Variants in C5 observed in about 807,000 individuals in gnomAD.
C5 encodes C3 and PZP-like alpha-2-macroglobulin domain-containing protein 4.
C5 carries 140 observed loss-of-function variants against 218.8 expected under a neutral mutation model. That is an observed-to-expected ratio of 0.64 (90% CI 0.56 to 0.74). The LOEUF (loss-of-function observed/expected upper bound fraction) is 0.74. C5 is among the 30% of genes least tolerant of loss of function. The pLI, the probability that C5 is intolerant of heterozygous loss-of-function variation, is 0.00. For synonymous variants in C5, 614 were observed against 682.3 expected (o/e 0.90, Z 1.56); for missense variants, 1,700 against 1,969.6 (o/e 0.86, Z 2.59).
chr9:120,973,431 C>T (rs567885842), intron 30 of C5, among the ~76,000 whole-genome samples: 151 of 152,182 alleles, frequency 9.9e-4, no homozygotes, highest in African/African-American at 3.5e-3. Flanking sequence ...TGCAGAGGCC[C>T]GGGCACAAAG....
At chr9:120,988,570 T>C (rs2047051701) in intron 25 of C5, among the ~76,000 whole-genome samples, 1 of 151,732 alleles carries the variant, frequency 6.6e-6, no homozygotes, top group Admixed American at 6.6e-5. Flanking sequence ...GGAAAGAGAG[T>C]ATAGGAGATA....
intron 14 of C5, among the ~76,000 whole-genome samples, chr9:121,016,689 T>C (rs2047310099): frequency 6.6e-6 from 1 of 152,314 alleles, no homozygotes; most frequent in South Asian, 2.1e-4. Context: ...CAATATAATG[T>C]TCCAAATAAA....
chr9:120,968,574 A>G (rs2046886314), intron 33 of C5, among the ~76,000 whole-genome samples: 1 of 152,204 alleles, frequency 6.6e-6, no homozygotes, highest in African/African-American at 2.4e-5. Context: ...GAGAGGGTTT[A>G]ACATCAGTGG....
chr9:121,066,041 G>A, the C5 span, among the ~76,000 whole-genome samples: 3 of 152,048 alleles, frequency 2.0e-5, no homozygotes, highest in South Asian at 4.1e-4. Flanking sequence ...CAGGTTGGGC[G>A]CGGTGTCTCA....
intron 20 of C5, among the ~76,000 whole-genome samples, chr9:121,002,316 G>GTGTATATATATATA (rs572345213): frequency 2.3e-5 from 2 of 87,404 alleles, no homozygotes; most frequent in African/African-American, 4.5e-5. Context: ...ATATGTGTGT[G>GTGTATATATATATA]TATATATATA....
At chr9:121,074,433 C>T in the C5 span, among the ~76,000 whole-genome samples, 1 of 152,228 alleles carries the variant, frequency 6.6e-6, no homozygotes, top group Non-Finnish European at 1.5e-5. Context: ...CACGCGACAG[C>T]TGGAGCCCAG....
At chr9:121,065,623 C>T in the C5 span, among the ~76,000 whole-genome samples, 32 of 152,192 alleles carry the variant, frequency 2.1e-4, no homozygotes, top group African/African-American at 5.8e-4. Flanking sequence ...GTAACTGGGA[C>T]CACAGGCACA....
At chr9:120,993,752 G>A (rs966854071) in intron 22 of C5, among the ~76,000 whole-genome samples, 1 of 152,150 alleles carries the variant, frequency 6.6e-6, no homozygotes, top group African/African-American at 2.4e-5. Flanking sequence ...AGCCTTGAGT[G>A]TAACAACTTA....
rs760863207 is a variant in C5, at chr9:120,989,654, T to C, written c.3068A>G (p.His1023Arg). Residue 1023 changes from histidine (H) to arginine (R), a missense_variant, in exon 24 of 41, where the codon CAC (histidine) becomes CGC (arginine). Physicochemically the swap from His to Arg is conservative, Grantham distance 29 (BLOSUM62 0). Coordinates refer to ENST00000223642, the MANE Select transcript of C5 (RefSeq NM_001735.3). Reference protein sequence around the residue: ...MSVVPVFYVFHYLETGNHWNI... With the variant: ...MSVVPVFYVFRYLETGNHWNI... ...CCAATGATTTCCTGTTTCCAGGTAG[T>C]GAAAAACATAGAATACTGGGACAAC... 4.6e-5 allele frequency: 74 copies of C among 1,613,680 alleles called. No individual in the cohort carries two copies. The highest frequency in any genetic ancestry group is 3.5e-5 in the Non-Finnish European group (41 of 1,179,766).
At chr9:121,011,502 A>G (rs1423611159) in intron 17 of C5, among the ~76,000 whole-genome samples, 1 of 151,622 alleles carries the variant, frequency 6.6e-6, no homozygotes, top group African/African-American at 2.4e-5. Context: ...TGTGGAGAAA[A>G]GGGAACTCTT....
chr9:120,967,391 CT>C (rs2046876752), intron 33 of C5, among the ~76,000 whole-genome samples: 1 of 152,000 alleles, frequency 6.6e-6, no homozygotes, highest in African/African-American at 2.4e-5. Flanking sequence ...GTCTTAGTTT[CT>C]TCATTTCCAA....
At chr9:121,032,092 C>G in intron 6 of C5, 21 bp downstream of exon 6, 1 of 1,489,432 alleles carries the variant, frequency 6.7e-7, no homozygotes, top group Non-Finnish European at 9.4e-7. Context: ...CAAAGAAAAA[C>G]TTTTACTTGT....
chr9:121,072,496 G>T, the C5 span, among the ~76,000 whole-genome samples: 13 of 152,048 alleles, frequency 8.5e-5, no homozygotes, highest in Admixed American at 7.9e-4. Context: ...AATATCACCT[G>T]AACTTCGATT....
intron 26 of C5, among the ~76,000 whole-genome samples, chr9:120,982,280 A>T (rs943607156): frequency 5.3e-5 from 8 of 152,168 alleles, no homozygotes; most frequent in Admixed American, 2.6e-4. Flanking sequence ...AAAGTGCTGC[A>T]ATTACAGGCG....
chr9:121,068,182 G>A, the C5 span, among the ~76,000 whole-genome samples: 2 of 152,104 alleles, frequency 1.3e-5, no homozygotes, highest in Non-Finnish European at 2.9e-5. Flanking sequence ...CAGAAAGGAA[G>A]AGGTAAAATT....
intron 7 of C5, among the ~76,000 whole-genome samples, chr9:121,028,171 A>T (rs1358300815): frequency 5.3e-5 from 8 of 152,194 alleles, no homozygotes; most frequent in African/African-American, 1.9e-4. Flanking sequence ...TTAGAATGGC[A>T]ATCATTAAAA....
upstream of C5, among the ~76,000 whole-genome samples, chr9:121,054,141 T>G (rs1419893516): frequency 6.6e-6 from 1 of 152,156 alleles, no homozygotes; most frequent in Non-Finnish European, 1.5e-5. Flanking sequence ...CCCCTCCCTT[T>G]GGAGTTTAGG....
chr9:121,072,141 T>G, the C5 span, among the ~76,000 whole-genome samples: 33 of 152,210 alleles, frequency 2.2e-4, no homozygotes, highest in African/African-American at 7.7e-4. Context: ...GAGGTCTGTA[T>G]GAGGAGGAAA....
At chr9:120,958,078 AG>A (rs2046799415) in intron 38 of C5, among the ~76,000 whole-genome samples, 1 of 152,200 alleles carries the variant, frequency 6.6e-6, no homozygotes, top group Admixed American at 6.5e-5. Flanking sequence ...GTGACCTAAA[AG>A]ATTTGTTCAT....
Sources: gnomAD v4.1 joint callset for allele counts (sites outside exome capture counted in the v4.1 genomes callset) on GRCh38, gnomAD v4.1.1 for gene constraint, MANE v1.5 for transcripts, NCBI Gene and HGNC (gene_info 2026-07-23, HGNC 2026-07-21) for gene names.